The following CSNK1D variants were observed in gnomAD, a reference collection of about 807,000 sequenced individuals.
CSNK1D encodes casein kinase 1 delta, also known as casein kinase I isoform delta.
CSNK1D carries 16 observed loss-of-function variants against 46.6 expected under a neutral mutation model. The ratio of observed to expected loss-of-function variants is 0.34; its 90% CI spans 0.23 to 0.52. The LOEUF is 0.52. CSNK1D is among the 20% of genes least tolerant of loss of function. CSNK1D has a pLI of 0.95. For synonymous variants in CSNK1D, 276 were observed against 228.2 expected (o/e 1.21, Z -1.89); for missense variants, 398 against 578.4 (o/e 0.69, Z 3.20).
At chr17:82,262,405 G>A (rs542691283) in intron 2 of CSNK1D, among the ~76,000 whole-genome samples, 16 of 152,288 alleles carry the variant, frequency 1.1e-4, no homozygotes, top group African/African-American at 3.1e-4. Context: ...GGGCTGCTAT[G>A]GGCAGTGACC....
chr17:82,244,488 C>G lies in CSNK1D; in HGVS notation c.*293G>C, dbSNP rs1362562910. 14 of 1,392,760 alleles carry G rather than the reference C, an allele frequency of 1.0e-5. No homozygotes were observed. The highest frequency in any genetic ancestry group is 1.3e-5 in the Non-Finnish European group (14 of 1,069,582). 86.3% of individuals were successfully genotyped at this position (1,392,760 alleles called of 1,614,324 possible). ...ACAGGGCGGCCACCACTGGAGGGAG[C>G]TGAGGCCCTGGAAAAGGAGTCTGAT... On this transcript the variant is annotated 3_prime_UTR_variant, in exon 9 of 9. Transcript: ENST00000314028.
chr17:82,255,169 C>T lies in CSNK1D; in HGVS notation c.336+260G>A, dbSNP rs2051144350. The T allele has an allele frequency of 9.9e-6, 5 of 506,682 alleles. No individual in the cohort carries two copies. The highest frequency in any genetic ancestry group is 1.8e-5 in the Non-Finnish European group (5 of 281,952). The allele number at this position is 506,682 out of a possible 1,614,324, so 31.4% of individuals were successfully genotyped here. Reference sequence around the variant, plus strand: ...CCAGTGAGCTGGGCCGCCGGAGCCTCGAGAAGCCAGTGAGCTGGGCCGCCG... The same window carrying T: ...CCAGTGAGCTGGGCCGCCGGAGCCTTGAGAAGCCAGTGAGCTGGGCCGCCG... On this transcript the variant is annotated intron_variant, in intron 3 of 8. Transcript: ENST00000314028. The surrounding 1 kb of genome is among the most constrained non-coding windows in gnomAD (Gnocchi z 5.9).
At chr17:82,258,269 G>C (rs780868814) in intron 2 of CSNK1D, among the ~76,000 whole-genome samples, 5 of 148,170 alleles carry the variant, frequency 3.4e-5, no homozygotes, top group African/African-American at 5.0e-5. Flanking sequence ...TTTATGTTTC[G>C]GTCTTTTATA....
Position 82,242,995 on chromosome 17 carries a change from G to A in CSNK1D, c.*1786C>T. The A allele has an allele frequency of 1.0e-6, 1 of 985,452 alleles. No individual in the cohort carries two copies. The allele number at this position is 985,452 out of a possible 1,614,324, so 61.0% of individuals were successfully genotyped here. On this transcript the variant is annotated 3_prime_UTR_variant, in exon 9 of 9. Coordinates refer to ENST00000314028, the MANE Select transcript of CSNK1D (RefSeq NM_001893.6). ...CACAGCGCGACGTCTCTCCGGGTGG[G>A]GGACGTCTACCTTCAAGAAGGGGTC...
At chr17:82,257,168 A>AT (rs971460745) in intron 2 of CSNK1D, among the ~76,000 whole-genome samples, 62 of 145,860 alleles carry the variant, frequency 4.3e-4, no homozygotes, top group South Asian at 6.5e-4. Context: ...GAAGGCATGT[A>AT]TTTTTTTTTT....
intron 1 of CSNK1D, among the ~76,000 whole-genome samples, chr17:82,271,072 ACTT>A (rs1323366419): frequency 4.6e-5 from 7 of 152,136 alleles, no homozygotes; most frequent in Non-Finnish European, 1.0e-4. Flanking sequence ...GTTTCAAAGT[ACTT>A]CTTATTTATT....
At position 82,249,491 on chromosome 17, in the gene CSNK1D, G is replaced by A. The variant is rs887426479; in HGVS notation, c.997C>T (p.Arg333Cys). ...GCCACTTCCTGCGTCCCCCGCAGGC[G>A]GCCGGAGGCTGTGGAAGGGAGGCCG... ...TRGLPSTASG[R>C]LRGTQEVAPP... Residue 333 changes from arginine to cysteine, a missense_variant, in exon 7 of 9, where the codon CGC (arginine) becomes TGC (cysteine). By Grantham distance (180) the Arg-to-Cys change is radical. This residue lies in a region of CSNK1D where 181 missense variants were observed against 208.0 expected (regional missense o/e 0.87). Transcript: ENST00000314028. The surrounding 1 kb of genome is among the most constrained non-coding windows in gnomAD (Gnocchi z 6.7). 21 of 1,543,192 alleles carry A rather than the reference G, an allele frequency of 1.4e-5. No homozygotes were observed. Among genetic ancestry groups the A allele is most frequent in the Non-Finnish European group, 1.7e-5 (20 of 1,146,712 alleles).
chr17:82,240,128 T>G, downstream of CSNK1D: 1 of 1,181,358 alleles, frequency 8.5e-7, no homozygotes, highest in Non-Finnish European at 1.1e-6. Flanking sequence ...CCCCTGGCCT[T>G]GCGCCAGCTG....
chr17:82,257,871 G>A (rs1482481616), intron 2 of CSNK1D, among the ~76,000 whole-genome samples: 1 of 152,150 alleles, frequency 6.6e-6, no homozygotes, highest in Non-Finnish European at 1.5e-5. Flanking sequence ...ACATCAGCAG[G>A]GAAAGCCATG....
intron 2 of CSNK1D, among the ~76,000 whole-genome samples, chr17:82,262,389 T>C (rs556991641): frequency 9.2e-5 from 14 of 152,342 alleles, no homozygotes. Flanking sequence ...CAGTACCCAC[T>C]GCCCAGGGCT....
intron 8 of CSNK1D, chr17:82,246,821 A>C (rs2050862733): frequency 1.0e-6 from 1 of 986,402 alleles, no homozygotes; most frequent in Non-Finnish European, 1.2e-6. Context: ...CGACGGCCCG[A>C]GGAGGAAGAC....
Position 82,244,598 on chromosome 17 carries a change from G to GCC in CSNK1D, c.*182_*183insGG. The GCC allele has an allele frequency of 1.3e-6, 2 of 1,517,478 alleles. No individual in the cohort carries two copies. The highest frequency in any genetic ancestry group is 1.8e-6 in the Non-Finnish European group (2 of 1,134,432). 94.0% of individuals were successfully genotyped at this position (1,517,478 alleles called of 1,614,324 possible). ...GGGCCGCAGTGCAGCCCCAGCGGTG[G>GCC]CAGCTCTTGGAGTCTGTCCGTTTAG... On this transcript the variant is annotated 3_prime_UTR_variant, in exon 9 of 9. Transcript: ENST00000314028.
intron 1 of CSNK1D, among the ~76,000 whole-genome samples, chr17:82,268,739 T>C (rs1210603715): frequency 6.6e-6 from 1 of 152,182 alleles, no homozygotes; most frequent in Non-Finnish European, 1.5e-5. Flanking sequence ...AGTCCGTGTT[T>C]GGGTATCAGT....
At position 82,242,999 on chromosome 17, in the gene CSNK1D, C is replaced by T. The variant is rs1395837865; in HGVS notation, c.*1782G>A. On this transcript the variant is annotated 3_prime_UTR_variant, in exon 9 of 9. Transcript: ENST00000314028. Reference sequence around the variant, plus strand: ...GCGCGACGTCTCTCCGGGTGGGGGACGTCTACCTTCAAGAAGGGGTCCAGC... The same window carrying T: ...GCGCGACGTCTCTCCGGGTGGGGGATGTCTACCTTCAAGAAGGGGTCCAGC... 5 of 985,320 alleles carry T rather than the reference C, an allele frequency of 5.1e-6. No homozygotes were observed. Among genetic ancestry groups the T allele is most frequent in the African/African-American group, 1.7e-5 (1 of 57,222 alleles). 61.0% of individuals were successfully genotyped at this position (985,320 alleles called of 1,614,324 possible).
chr17:82,245,213 T>G (rs1290348686), intron 8 of CSNK1D: 2 of 400,592 alleles, frequency 5.0e-6, no homozygotes, highest in Non-Finnish European at 4.7e-6. Context: ...ATTTCCAGAG[T>G]GTGCACAGTG....
intron 2 of CSNK1D, 60 bp downstream of exon 2, chr17:82,265,626 T>G (rs1401187724): frequency 7.6e-6 from 10 of 1,315,116 alleles, no homozygotes; most frequent in Non-Finnish European, 1.1e-5. Flanking sequence ...CAATGCTGAG[T>G]TGCTGTTCTC....
In CSNK1D at chr17:82,273,552, T is replaced by C; in HGVS notation, c.-171A>G. ...CGCCCCGCCGCTCCCAGCGCCTCAA[T>C]ACGGGGCGGATGGGACAGTCCGAGC... On this transcript the variant is annotated 5_prime_UTR_variant, in exon 1 of 9. Transcript: ENST00000314028. This position sits in a 1 kb window ranked among gnomAD's most constrained non-coding sequence, Gnocchi z 5.1. 5 of 801,518 alleles carry C rather than the reference T, an allele frequency of 6.2e-6. No individual in the cohort carries two copies. The highest frequency in any genetic ancestry group is 2.7e-5 in the East Asian group (1 of 36,576). The allele number at this position is 801,518 out of a possible 1,614,324, so 49.7% of individuals were successfully genotyped here.
At chr17:82,246,007 C>G in intron 8 of CSNK1D, 1 of 1,610,398 alleles carries the variant, frequency 6.2e-7, no homozygotes, top group Non-Finnish European at 8.5e-7. Context: ...AGACGAGCAG[C>G]TACTTGCCGT....
chr17:82,250,751 G>A lies in CSNK1D; in HGVS notation c.885+628C>T, dbSNP rs1372077530. The A allele has an allele frequency of 8.5e-5, 14 of 165,670 alleles. No individual in the cohort carries two copies. In the South Asian group the frequency reaches 1.9e-3, roughly 22 times the overall value. The allele number at this position is 165,670 out of a possible 1,614,324, so 10.3% of individuals were successfully genotyped here. Reference sequence around the variant, plus strand: ...CTCCATCAGACTGCTGCCTGGAAAAGCTCCAAATTCTATTTAAAACTGACA... The same window carrying A: ...CTCCATCAGACTGCTGCCTGGAAAAACTCCAAATTCTATTTAAAACTGACA... On this transcript the variant is annotated intron_variant, in intron 6 of 8. Transcript: ENST00000314028. This position sits in a 1 kb window ranked among gnomAD's most constrained non-coding sequence, Gnocchi z 4.6.
Sources: gnomAD v4.1 joint callset for allele counts (sites outside exome capture counted in the v4.1 genomes callset) on GRCh38, gnomAD v4.1.1 for gene constraint, gnomAD v4.1.1 regional missense constraint, Gnocchi (gnomAD v3.1) non-coding constraint, MANE v1.5 for transcripts, NCBI Gene and HGNC (gene_info 2026-07-23, HGNC 2026-07-21) for gene names.